The following PCDH7 variants were observed in gnomAD, a reference collection of about 807,000 sequenced individuals.
The protein encoded by PCDH7 is protocadherin-7.
PCDH7 carries 17 observed loss-of-function variants against 58.9 expected under a neutral mutation model. The ratio of observed to expected loss-of-function variants is 0.29; its 90% CI spans 0.20 to 0.43. The LOEUF is 0.43. Ranked by LOEUF, PCDH7 falls within the 20% of genes least tolerant of loss-of-function variation. PCDH7 has a pLI of 1.00. For synonymous variants in PCDH7, 664 were observed against 616.4 expected (o/e 1.08, Z -1.14); for missense variants, 1,274 against 1,441.0 (o/e 0.88, Z 1.88).
At chr4:30,879,056 C>G (rs937366112) in intron 1 of PCDH7, among the ~76,000 whole-genome samples, 1 of 152,048 alleles carries the variant, frequency 6.6e-6, no homozygotes, top group East Asian at 1.9e-4. Flanking sequence ...ATTATAAGAT[C>G]ATTAAGAAGT....
At chr4:30,806,036 C>T (rs1726150035) in intron 1 of PCDH7, among the ~76,000 whole-genome samples, 1 of 152,162 alleles carries the variant, frequency 6.6e-6, no homozygotes, top group African/African-American at 2.4e-5. Context: ...CTCCAGCAAA[C>T]ATTTCCTTTG....
intron 1 of PCDH7, among the ~76,000 whole-genome samples, chr4:30,779,348 A>G (rs1301089404): frequency 2.0e-5 from 3 of 152,060 alleles, no homozygotes; most frequent in African/African-American, 7.2e-5. Flanking sequence ...CTGAAATTAT[A>G]TTTCTACATT....
chr4:30,721,983 A>G lies in PCDH7; in HGVS notation c.561A>G (p.Gly187=), dbSNP rs1467479751. 2 of 1,323,540 alleles carry G rather than the reference A, an allele frequency of 1.5e-6. No individual in the cohort carries two copies. Among genetic ancestry groups the G allele is most frequent in the African/African-American group, 1.5e-5 (1 of 65,348 alleles). 82.0% of individuals were successfully genotyped at this position (1,323,540 alleles called of 1,614,324 possible). Residue 187 remains glycine, a synonymous_variant, in exon 1 of 2, where the codon GGA becomes GGG. Coordinates refer to ENST00000361762, the Ensembl canonical transcript of PCDH7. This position sits in a 1 kb window ranked among gnomAD's most constrained non-coding sequence, Gnocchi z 6.7. ...GCTACGAGCTGCTCCAGGAGCCCGG[A>G]GGCGGCGGCAGCGGCGGCGAGAGCC...
intron 3 of PCDH7, among the ~76,000 whole-genome samples, chr4:30,990,028 G>T (rs1204278947): frequency 6.6e-6 from 1 of 151,984 alleles, no homozygotes; most frequent in Admixed American, 6.6e-5. Context: ...GACAAATACA[G>T]ACTAATAGAC....
chr4:31,140,900 T>C (rs1720171888), intron 3 of PCDH7, among the ~76,000 whole-genome samples: 1 of 152,192 alleles, frequency 6.6e-6, no homozygotes, highest in Non-Finnish European at 1.5e-5. Flanking sequence ...CCTTACATTT[T>C]ACCTACAGGA....
intron 2 of PCDH7, among the ~76,000 whole-genome samples, chr4:30,935,530 C>T (rs1054074939): frequency 2.2e-4 from 33 of 152,074 alleles, no homozygotes; most frequent in Non-Finnish European, 3.2e-4. Flanking sequence ...ATGGCTCTGT[C>T]TTTAAGAAAC....
At chr4:30,730,698 A>C in intron 1 of PCDH7, 1 of 1,411,106 alleles carries the variant, frequency 7.1e-7, no homozygotes, top group African/African-American at 1.4e-5. Context: ...CACTGGGGAA[A>C]ATTTCTTTAT....
intron 1 of PCDH7, among the ~76,000 whole-genome samples, chr4:30,752,378 G>A (rs973354561): frequency 1.3e-5 from 2 of 152,106 alleles, no homozygotes. Flanking sequence ...GCATGATGGA[G>A]CAGGTTCATG....
intron 3 of PCDH7, among the ~76,000 whole-genome samples, chr4:31,096,195 T>A (rs1417291504): frequency 6.6e-6 from 1 of 152,216 alleles, no homozygotes; most frequent in Middle Eastern, 3.2e-3. Flanking sequence ...GTTCTCCTGT[T>A]ACGAGAAATT....
chr4:30,992,672 G>A (rs1469784363), intron 3 of PCDH7, among the ~76,000 whole-genome samples: 3 of 151,490 alleles, frequency 2.0e-5, no homozygotes, highest in African/African-American at 7.3e-5. Flanking sequence ...GTTACCAGAA[G>A]AGACAGAAAA....
chr4:30,823,144 C>T (rs1376930101), intron 1 of PCDH7, among the ~76,000 whole-genome samples: 1 of 152,002 alleles, frequency 6.6e-6, no homozygotes, highest in Non-Finnish European at 1.5e-5. Context: ...TTTTTGGCAC[C>T]CTTTTGCTTC....
At chr4:30,904,440 A>C (rs1009336569) in intron 1 of PCDH7, among the ~76,000 whole-genome samples, 2 of 152,096 alleles carry the variant, frequency 1.3e-5, no homozygotes, top group Admixed American at 1.3e-4. Flanking sequence ...CCTTTTAAGA[A>C]ACTTTGTGAT....
At chr4:31,056,447 AAAGAAAGAAAG>A (rs762530186) in intron 3 of PCDH7, among the ~76,000 whole-genome samples, 26 of 38,852 alleles carry the variant, frequency 6.7e-4, no homozygotes, top group African/African-American at 4.3e-3. Flanking sequence ...AGAAGGAAAG[AAAGAAAGAAAG>A]AAGAAAGAAA....
Position 30,756,034 on chromosome 4 carries a change from G to A in PCDH7, c.70+31438G>A, listed in dbSNP as rs932574307. On this transcript the variant is annotated intron_variant, in intron 1 of 3. Coordinates refer to the PCDH7 transcript ENST00000509759. ...GTGGAGGTTGCAGTGAGCCGATATC[G>A]CACCACTGCACTCCAGCCTGGTGAC... Among the ~76,000 whole-genome samples, 117 of 152,118 alleles carry A rather than the reference G, an allele frequency of 7.7e-4. 1 individual carries two copies. The highest frequency in any genetic ancestry group is 2.7e-3 in the African/African-American group (110 of 41,496).
intron 3 of PCDH7, among the ~76,000 whole-genome samples, chr4:31,078,639 ATTTTT>A (rs10709152): frequency 2.7e-5 from 2 of 73,568 alleles, no homozygotes; most frequent in African/African-American, 5.2e-5. Context: ...ACCATGCCCC[ATTTTT>A]TTTTTTTTTT....
chr4:30,991,981 C>T (rs955399478), intron 3 of PCDH7, among the ~76,000 whole-genome samples: 4 of 152,024 alleles, frequency 2.6e-5, no homozygotes, highest in African/African-American at 4.8e-5. Context: ...GTGAGTAGAG[C>T]CATGTCTTTG....
At chr4:30,921,413 C>A (rs939307784) in intron 2 of PCDH7, among the ~76,000 whole-genome samples, 1 of 151,860 alleles carries the variant, frequency 6.6e-6, no homozygotes, top group East Asian at 1.9e-4. Flanking sequence ...GCAAGTAGAG[C>A]ATATTAATGC....
intron 1 of PCDH7, among the ~76,000 whole-genome samples, chr4:30,782,742 T>A (rs1314119247): frequency 6.6e-6 from 1 of 152,166 alleles, no homozygotes; most frequent in East Asian, 1.9e-4. Flanking sequence ...ACAAAAGAGA[T>A]GTGGTTTAAT....
chr4:30,831,565 A>T (rs1339534841), intron 1 of PCDH7, among the ~76,000 whole-genome samples: 1 of 152,172 alleles, frequency 6.6e-6, no homozygotes, highest in Non-Finnish European at 1.5e-5. Flanking sequence ...TAAATACACC[A>T]CAAAACTATT....
Sources: allele counts gnomAD v4.1 joint callset (sites outside exome capture counted in the v4.1 genomes callset), GRCh38; gene constraint gnomAD v4.1.1; non-coding constraint Gnocchi (gnomAD v3.1); transcripts MANE v1.5; gene names NCBI Gene and HGNC (gene_info 2026-07-23, HGNC 2026-07-21).